RMC1: variants seen among roughly 807,000 people sequenced by gnomAD.
RMC1 encodes regulator of MON1-CCZ1.
RMC1 carries 44 observed loss-of-function variants against 95.5 expected under a neutral mutation model. The observed-to-expected ratio is 0.46, with a 90% CI of 0.36 to 0.59. The LOEUF (loss-of-function observed/expected upper bound fraction) is 0.59, where lower values mean the gene tolerates loss of function less well. Ranked by LOEUF, RMC1 falls within the 20% of genes least tolerant of loss-of-function variation. The pLI is 0.00. For missense variants in RMC1, 705 were observed against 819.6 expected (o/e 0.86, Z 1.71); for synonymous variants, 320 against 303.6 (o/e 1.05, Z -0.56).
At chr18:23,506,908 C>A in intron 2 of RMC1, 62 bp from the exon 3 acceptor site, 2 of 1,154,928 alleles carry the variant, frequency 1.7e-6, no homozygotes, top group South Asian at 1.3e-5. Flanking sequence ...TTTGCCTTTT[C>A]AATAAATGGT....
chr18:23,527,410 A>G (rs913143194), intron 13 of RMC1, among the ~76,000 whole-genome samples: 6 of 151,628 alleles, frequency 4.0e-5, no homozygotes, highest in Non-Finnish European at 2.9e-5. Context: ...AAAAAAAATA[A>G]TAATAATAAT....
Position 23,530,331 on chromosome 18 carries a change from A to G in RMC1, c.1668+34A>G, listed in dbSNP as rs201711582. 82 of 1,614,084 alleles carry G rather than the reference A, an allele frequency of 5.1e-5. No individual in the cohort carries two copies. The African/African-American group carries it at 9.6e-4, about 19-fold the overall frequency. On this transcript the variant is annotated intron_variant, in intron 18 of 19. Transcript: ENST00000269221. Reference sequence around the variant, plus strand: ...GATGTGTGAGGTTTTAGACTATGGAAACTAACTCTGTTCCTGTTGTTTGCA... The same window carrying G: ...GATGTGTGAGGTTTTAGACTATGGAGACTAACTCTGTTCCTGTTGTTTGCA...
chr18:23,505,365 G>A (rs1386419653), intron 2 of RMC1, among the ~76,000 whole-genome samples: 1 of 152,094 alleles, frequency 6.6e-6, no homozygotes, highest in African/African-American at 2.4e-5. Context: ...CCCGGCCTGA[G>A]CAAGGTTTTA....
chr18:23,519,264 T>A, intron 9 of RMC1, 90 bp downstream of exon 9: 2 of 1,181,372 alleles, frequency 1.7e-6, no homozygotes, highest in Non-Finnish European at 2.5e-6. Context: ...ACGCCTGTAA[T>A]CCCAGCACTT....
At chr18:23,517,953 G>A (rs1202890946) in intron 7 of RMC1, among the ~76,000 whole-genome samples, 1 of 152,066 alleles carries the variant, frequency 6.6e-6, no homozygotes, top group Admixed American at 6.6e-5. Flanking sequence ...CCTGGGCTCG[G>A]GTGATCCTCC....
At chr18:23,530,843 A>G (rs919587669) in intron 19 of RMC1, among the ~76,000 whole-genome samples, 5 of 152,190 alleles carry the variant, frequency 3.3e-5, no homozygotes, top group African/African-American at 1.2e-4. Flanking sequence ...GTCAAGACAC[A>G]TTTAGGACCC....
intron 19 of RMC1, among the ~76,000 whole-genome samples, 189 bp downstream of exon 19, chr18:23,530,801 G>C (rs2058472782): frequency 6.6e-6 from 1 of 152,290 alleles, no homozygotes; most frequent in South Asian, 2.1e-4. Flanking sequence ...TCTGAATTAT[G>C]CTCTGGAACT....
chr18:23,519,128 T>C lies in RMC1; in HGVS notation c.803T>C (p.Leu268Pro). ...TTAAATAGGACGGGAAAGTTTGCCC[T>C]GAACGTGGTGGACAACCTGGTAGTC... ...LKLNRTGKFA[L>P]NVVDNLVVVH... Residue 268 changes from leucine (L) to proline (P), a missense_variant, in exon 9 of 20, where the codon CTG becomes CCG. Leu to Pro is a moderately conservative substitution (Grantham distance 98, BLOSUM62 -3). Coordinates refer to ENST00000269221, the MANE Select transcript of RMC1 (RefSeq NM_013326.5). 6.2e-7 allele frequency: 1 copy of C among 1,614,226 alleles called. No individual in the cohort carries two copies. Among genetic ancestry groups the C allele is most frequent in the Non-Finnish European group, 8.5e-7 (1 of 1,180,044 alleles).
rs1253773908 is a variant in RMC1, at chr18:23,526,722, G to C, written c.1146G>C (p.Gln382His). Residue 382 changes from glutamine to histidine, a missense_variant, in exon 13 of 20, where the codon CAG becomes CAC. Physicochemically the swap from Gln to His is conservative, Grantham distance 24. Transcript: ENST00000269221. Reference sequence around the variant, plus strand: ...GAAGACTCATGGACTTTCTCCTCCAGAGAAAGGAATGCAAGATGGTCATCC... The same window carrying C: ...GAAGACTCATGGACTTTCTCCTCCACAGAAAGGAATGCAAGATGGTCATCC... ...DKGRLMDFLL[Q>H]RKECKMVILS... 1.2e-6 allele frequency: 2 copies of C among 1,614,042 alleles called. No individual in the cohort carries two copies. Among genetic ancestry groups the C allele is most frequent in the African/African-American group, 1.3e-5 (1 of 74,926 alleles).
chr18:23,525,735 T>A (rs575043115), intron 12 of RMC1, among the ~76,000 whole-genome samples: 1 of 152,328 alleles, frequency 6.6e-6, no homozygotes, highest in East Asian at 1.9e-4. Context: ...TAATTTTTTT[T>A]TTGTAGAGAC....
chr18:23,504,893 C>G (rs933265538), intron 2 of RMC1, among the ~76,000 whole-genome samples: 1 of 152,144 alleles, frequency 6.6e-6, no homozygotes, highest in Non-Finnish European at 1.5e-5. Flanking sequence ...CACTGTTGAA[C>G]AGGTTTAATG....
chr18:23,524,634 T>G, intron 12 of RMC1, 152 bp downstream of exon 12: 1 of 698,056 alleles, frequency 1.4e-6, no homozygotes, highest in Non-Finnish European at 2.4e-6. Context: ...ACTTTATACG[T>G]TTTTTACTAT....
Position 23,519,097 on chromosome 18 carries a change from T to C in RMC1, c.772T>C (p.Leu258=), listed in dbSNP as rs1341067360. 2 of 1,614,166 alleles carry C rather than the reference T, an allele frequency of 1.2e-6. No homozygotes were observed. Among genetic ancestry groups the C allele is most frequent in the Admixed American group, 1.7e-5 (1 of 60,000 alleles). ...AGGTGCCTGTAAAAAGATGCACATA[T>C]TGAAGTTAAATAGGACGGGAAAGTT... The part of the protein sequence containing the change: ...REGACKKMHI[L]KLNRTGKFAL... Residue 258 remains leucine (L), a synonymous_variant, in exon 9 of 20, where the codon TTG becomes CTG. Coordinates refer to ENST00000269221, the MANE Select transcript of RMC1 (RefSeq NM_013326.5).
At chr18:23,529,447 G>C in intron 15 of RMC1, 149 bp downstream of exon 15, 1 of 1,347,498 alleles carries the variant, frequency 7.4e-7, no homozygotes, top group Non-Finnish European at 1.0e-6. Flanking sequence ...CTGGTAGTTT[G>C]GCTTCTAATG....
chr18:23,509,182 A>C lies in RMC1; in HGVS notation c.322-11A>C, dbSNP rs748349260. 7.8e-7 allele frequency: 1 copy of C among 1,285,672 alleles called. No individual in the cohort carries two copies. Among genetic ancestry groups the C allele is most frequent in the South Asian group, 2.2e-5 (1 of 45,068 alleles). The allele number at this position is 1,285,672 out of a possible 1,614,324, so 79.6% of individuals were successfully genotyped here. A position where few individuals can be genotyped will look rare whatever the true frequency, so the allele number is the denominator to read the frequency against. On this transcript the variant is annotated splice_polypyrimidine_tract_variant and intron_variant, in intron 4 of 19. Coordinates refer to ENST00000269221, the MANE Select transcript of RMC1 (RefSeq NM_013326.5). ...TATTAATTAAAAATATTTTTAAAAA[A>C]TTTTTCTTAGACTAAGAATGCCAAC...
intron 5 of RMC1, among the ~76,000 whole-genome samples, chr18:23,510,383 C>G (rs2145150893): frequency 6.6e-6 from 1 of 151,648 alleles, no homozygotes; most frequent in Middle Eastern, 3.4e-3. Flanking sequence ...TACAGTGGCT[C>G]ACACCTGTAA....
intron 13 of RMC1, among the ~76,000 whole-genome samples, chr18:23,527,324 G>A (rs1308651680): frequency 2.6e-5 from 4 of 151,786 alleles, no homozygotes; most frequent in African/African-American, 4.8e-5. Context: ...CCTTGAGCCC[G>A]GGAGGACGAG....
intron 7 of RMC1, among the ~76,000 whole-genome samples, chr18:23,517,865 A>G (rs776333572): frequency 2.0e-5 from 3 of 152,094 alleles, no homozygotes; most frequent in Non-Finnish European, 4.4e-5. Context: ...CTACAGGCGC[A>G]TGCCACCACA....
intron 2 of RMC1, chr18:23,506,449 T>G (rs1181241556): frequency 6.6e-6 from 1 of 152,306 alleles, no homozygotes; most frequent in African/African-American, 2.4e-5. Context: ...CTGAGGCTGG[T>G]CTCGAATTCC....
Sources: gnomAD v4.1 joint callset for allele counts (sites outside exome capture counted in the v4.1 genomes callset) on GRCh38, gnomAD v4.1.1 for gene constraint, MANE v1.5 for transcripts, NCBI Gene and HGNC (gene_info 2026-07-23, HGNC 2026-07-21) for gene names.